The following DNAJB6 variants were observed in gnomAD, a reference collection of about 807,000 sequenced individuals.
DNAJB6 encodes DnaJ heat shock protein family (Hsp40) member B6.
In DNAJB6, 16 loss-of-function variants were observed where a neutral mutation model predicts 42.7. That is an observed-to-expected ratio of 0.37 (90% CI 0.25 to 0.57). DNAJB6 has a LOEUF of 0.57. Ranked by LOEUF, DNAJB6 falls within the 20% of genes least tolerant of loss-of-function variation. The probability of loss-of-function intolerance (pLI) is 0.74; values close to 1 mark genes in which losing one functional copy is unlikely to be tolerated. For missense variants in DNAJB6, 347 were observed against 416.8 expected, an observed-to-expected ratio of 0.83 and a Z score of 1.46; for synonymous variants, 170 against 163.5, an observed-to-expected ratio of 1.04 and a Z score of -0.30.
intron 1 of DNAJB6, among the ~76,000 whole-genome samples, chr7:157,347,317 A>G (rs1175309779): frequency 6.6e-6 from 1 of 152,222 alleles, no homozygotes; most frequent in African/African-American, 2.4e-5. Flanking sequence ...AATTGTGTAC[A>G]TTGACAGCAT....
At position 157,384,849 on chromosome 7, in the gene DNAJB6, T is replaced by G. The variant is rs771136483; in HGVS notation, c.479-18T>G. 5.6e-6 allele frequency: 9 copies of G among 1,603,596 alleles called. No homozygotes were observed. In the African/African-American group the frequency reaches 8.1e-5, roughly 14 times the overall value. On this transcript the variant is annotated intron_variant, in intron 6 of 9. Transcript: ENST00000262177. ...TGACATATTTCTTTAAGCATTTTTC[T>G]TTTCTGTTTTCCTGTAGGATTTACT...
chr7:157,385,148 A>T, intron 7 of DNAJB6, 140 bp downstream of exon 7: 1 of 865,976 alleles, frequency 1.2e-6, no homozygotes, highest in Non-Finnish European at 1.7e-6. Context: ...TGCTCTCCAA[A>T]TTCATTAATT....
At chr7:157,406,381 G>A (rs1456702177) in intron 8 of DNAJB6, among the ~76,000 whole-genome samples, 2 of 152,374 alleles carry the variant, frequency 1.3e-5, no homozygotes, top group African/African-American at 2.4e-5. Context: ...ACCTTGGGGA[G>A]TCCCTTGTGT....
At chr7:157,390,978 G>T (rs1011753457) in intron 8 of DNAJB6, among the ~76,000 whole-genome samples, 10 of 152,188 alleles carry the variant, frequency 6.6e-5, no homozygotes, top group Non-Finnish European at 1.5e-4. Flanking sequence ...GGGACTACAG[G>T]TGTGCGACAC....
chr7:157,341,131 T>A (rs1040483745), intron 1 of DNAJB6, among the ~76,000 whole-genome samples: 2 of 151,874 alleles, frequency 1.3e-5, no homozygotes, highest in African/African-American at 4.8e-5. Context: ...AGATTTTAGA[T>A]TTTTTTGTTG....
At position 157,367,388 on chromosome 7, in the gene DNAJB6, A is replaced by C; in HGVS notation, c.251A>C (p.Asp84Ala). ...ATTTGTGCAGGTGGAAGTCATTTTG[A>C]CAGTCCATTTGAATTTGGCTTCACA... ...NGGGGGGSHF[D>A]SPFEFGFTFR... The change falls in exon 5 of 10, where the codon GAC becomes GCC. Residue 84 changes from aspartate (D) to alanine (A), a missense_variant. Transcript: ENST00000262177. 6.2e-7 allele frequency: 1 copy of C among 1,611,318 alleles called. No homozygotes were observed. The highest frequency in any genetic ancestry group is 8.5e-7 in the Non-Finnish European group (1 of 1,177,408).
intron 2 of DNAJB6, among the ~76,000 whole-genome samples, chr7:157,359,999 C>T (rs891731484): frequency 6.6e-6 from 1 of 152,208 alleles, no homozygotes; most frequent in Non-Finnish European, 1.5e-5. Context: ...TCACACTATT[C>T]TTATCAGTAA....
chr7:157,406,544 C>T (rs564552447), intron 8 of DNAJB6, among the ~76,000 whole-genome samples: 9 of 152,306 alleles, frequency 5.9e-5, no homozygotes, highest in Admixed American at 2.0e-4. Flanking sequence ...TGGGTGTTGC[C>T]GGGACCTGGC....
chr7:157,408,114 C>T (rs1333018247), intron 8 of DNAJB6, among the ~76,000 whole-genome samples: 1 of 152,184 alleles, frequency 6.6e-6, no homozygotes, highest in African/African-American at 2.4e-5. Context: ...TAGGTGACCC[C>T]TCTCAGCTCA....
At chr7:157,390,594 C>T (rs1025002050) in intron 8 of DNAJB6, among the ~76,000 whole-genome samples, 1 of 152,130 alleles carries the variant, frequency 6.6e-6, no homozygotes, top group Non-Finnish European at 1.5e-5. Context: ...AACATTGTTG[C>T]AGAAATGTGG....
intron 8 of DNAJB6, among the ~76,000 whole-genome samples, chr7:157,405,403 T>C (rs1461842901): frequency 2.6e-5 from 4 of 152,190 alleles, no homozygotes; most frequent in Non-Finnish European, 5.9e-5. Flanking sequence ...AGTGTGGGTC[T>C]GTGCATTCCC....
At chr7:157,381,280 G>A (rs1800755413) in intron 5 of DNAJB6, 1 of 152,104 alleles carries the variant, frequency 6.6e-6, no homozygotes. Context: ...TAATTCTGTA[G>A]TTGGTCCTAG....
chr7:157,339,289 T>G (rs939904313), intron 1 of DNAJB6, among the ~76,000 whole-genome samples: 15 of 122,200 alleles, frequency 1.2e-4, no homozygotes, highest in Non-Finnish European at 2.0e-4. Flanking sequence ...ACCTTTTTTT[T>G]TTTTTTTTTT....
intron 9 of DNAJB6, chr7:157,412,087 T>G (rs1257582045): frequency 2.0e-5 from 3 of 152,252 alleles, no homozygotes; most frequent in Non-Finnish European, 4.4e-5. Context: ...ATCAAAGATT[T>G]AAAGACGTGA....
intron 8 of DNAJB6, among the ~76,000 whole-genome samples, chr7:157,400,077 T>C (rs958501617): frequency 6.6e-6 from 1 of 152,252 alleles, no homozygotes; most frequent in African/African-American, 2.4e-5. Context: ...AGTAAAGCCT[T>C]TGTAAAGCCA....
intron 2 of DNAJB6, among the ~76,000 whole-genome samples, chr7:157,360,149 A>T (rs1799504717): frequency 6.6e-6 from 1 of 152,236 alleles, no homozygotes; most frequent in South Asian, 2.1e-4. Context: ...GAAGAAAAGG[A>T]GGTTTAATTT....
At chr7:157,351,121 A>G (rs1333602791) in intron 1 of DNAJB6, among the ~76,000 whole-genome samples, 2 of 151,838 alleles carry the variant, frequency 1.3e-5, no homozygotes, top group African/African-American at 4.8e-5. Context: ...TTTAGTAGAG[A>G]CAGAGTTTCT....
At chr7:157,358,659 G>C (rs776679517) in intron 2 of DNAJB6, 22 bp downstream of exon 2, 13 of 1,577,902 alleles carry the variant, frequency 8.2e-6, no homozygotes, top group South Asian at 6.6e-5. Context: ...TATTTCTGTG[G>C]TAATGCATTT....
At chr7:157,362,519 C>G (rs887215960) in intron 2 of DNAJB6, among the ~76,000 whole-genome samples, 2 of 152,112 alleles carry the variant, frequency 1.3e-5, no homozygotes, top group African/African-American at 4.8e-5. Context: ...GGATTACAGT[C>G]AAGTACCACA....
Sources: allele counts gnomAD v4.1 joint callset (sites outside exome capture counted in the v4.1 genomes callset), GRCh38; gene constraint gnomAD v4.1.1; transcripts MANE v1.5; gene names NCBI Gene and HGNC (gene_info 2026-07-23, HGNC 2026-07-21).